Variants in RARB observed in about 807,000 individuals in gnomAD.
RARB encodes HBV-activated protein.
RARB carries 17 observed loss-of-function variants against 51.9 expected under a neutral mutation model. The observed-to-expected ratio is 0.33, with a 90% confidence interval of 0.22 to 0.49. RARB has a LOEUF of 0.49. RARB is among the 20% of genes least tolerant of loss of function. The pLI is 0.99. For synonymous variants in RARB, 215 were observed against 195.4 expected (o/e 1.10, Z -0.84); for missense variants, 369 against 550.8 (o/e 0.67, Z 3.30).
chr3:25,358,290 T>C (rs9853916), intron 5 of RARB, among the ~76,000 whole-genome samples: 71,606 of 152,048 alleles, frequency 0.47, 17,714 homozygotes, highest in East Asian at 0.87. Flanking sequence ...TTCTCTATTA[T>C]TGGTGTATAG....
At chr3:25,313,959 T>C (rs772894662) in intron 5 of RARB, among the ~76,000 whole-genome samples, 5 of 151,958 alleles carry the variant, frequency 3.3e-5, no homozygotes, top group Non-Finnish European at 7.4e-5. Context: ...TAGCCTCAGA[T>C]ACTTGGGCGG....
At chr3:25,156,982 A>T (rs2649617) in intron 4 of RARB, among the ~76,000 whole-genome samples, 4,905 of 152,334 alleles carry the variant, frequency 0.032, 120 homozygotes, top group Non-Finnish European at 0.05. Flanking sequence ...AACCTCAGTC[A>T]GCGGAAATAA....
chr3:25,560,092 C>T (rs1416295329), intron 3 of RARB, among the ~76,000 whole-genome samples: 1 of 152,100 alleles, frequency 6.6e-6, no homozygotes, highest in Non-Finnish European at 1.5e-5. Context: ...CATAGACTGC[C>T]AATTTTCTAA....
chr3:25,170,313 CAGA>C (rs932865887), intron 4 of RARB, among the ~76,000 whole-genome samples: 1 of 152,166 alleles, frequency 6.6e-6, no homozygotes, highest in African/African-American at 2.4e-5. Flanking sequence ...TGGCTCTTTA[CAGA>C]AGAAATTTGC....
At chr3:25,301,107 G>T (rs928654431) in intron 5 of RARB, among the ~76,000 whole-genome samples, 1 of 152,194 alleles carries the variant, frequency 6.6e-6, no homozygotes, top group African/African-American at 2.4e-5. Context: ...ATTTATGGCA[G>T]TTTGACTTAA....
At chr3:25,036,713 C>G (rs952526018) in intron 2 of RARB, among the ~76,000 whole-genome samples, 1 of 152,108 alleles carries the variant, frequency 6.6e-6, no homozygotes, top group Non-Finnish European at 1.5e-5. Flanking sequence ...GTTTGTAGGG[C>G]TGCTTCGGAG....
Position 25,510,983 on chromosome 3 carries a change from G to A in RARB, c.448+9660G>A, listed in dbSNP as rs192901248. Among the ~76,000 whole-genome samples the A allele has an allele frequency of 3.2e-4, 49 of 152,302 alleles. No individual in the cohort carries two copies. The East Asian group carries it at 8.7e-3, about 27-fold the overall frequency. On this transcript the variant is annotated intron_variant, in intron 3 of 7. Coordinates refer to ENST00000330688, the MANE Select transcript of RARB (RefSeq NM_000965.5). ...AAAAGGCCAGGCAGTAAATATTTTA[G>A]CATCTGCAGTCCATTTGGTGTTTTT...
chr3:24,953,674 C>A (rs1187551519), intron 2 of RARB, among the ~76,000 whole-genome samples: 2 of 152,158 alleles, frequency 1.3e-5, no homozygotes, highest in Non-Finnish European at 2.9e-5. Flanking sequence ...CAGAAGAGGC[C>A]TTTGTGCCTA....
At chr3:25,142,086 C>T (rs978913072) in intron 4 of RARB, among the ~76,000 whole-genome samples, 1 of 152,216 alleles carries the variant, frequency 6.6e-6, no homozygotes, top group African/African-American at 2.4e-5. Context: ...GATGCCAACA[C>T]TTTGGGAGGA....
At chr3:24,902,122 T>C (rs1011740479) in intron 2 of RARB, among the ~76,000 whole-genome samples, 1 of 152,186 alleles carries the variant, frequency 6.6e-6, no homozygotes, top group African/African-American at 2.4e-5. Flanking sequence ...ATGTTCTTAT[T>C]ATCTCTGTTT....
chr3:25,079,638 G>C (rs1698951502), intron 3 of RARB, among the ~76,000 whole-genome samples: 1 of 152,140 alleles, frequency 6.6e-6, no homozygotes, highest in Admixed American at 6.5e-5. Context: ...TATCCGCTTA[G>C]ATGATAGTTT....
At chr3:24,888,547 A>G (rs112665063) in intron 2 of RARB, among the ~76,000 whole-genome samples, 6 of 152,134 alleles carry the variant, frequency 3.9e-5, no homozygotes, top group Non-Finnish European at 8.8e-5. Flanking sequence ...TTGGGTTTAA[A>G]TGCTAGTAAT....
intron 4 of RARB, among the ~76,000 whole-genome samples, chr3:25,164,759 G>T (rs554549708): frequency 4.6e-5 from 7 of 152,280 alleles, no homozygotes; most frequent in African/African-American, 1.2e-4. Flanking sequence ...AAATAGAAAT[G>T]GGTACGCATA....
chr3:25,556,005 G>T (rs1201865048), intron 3 of RARB, among the ~76,000 whole-genome samples: 1 of 99,174 alleles, frequency 1.0e-5, no homozygotes, highest in Non-Finnish European at 2.0e-5. Context: ...TGGACATCTT[G>T]TATTTTTTTT....
intron 2 of RARB, among the ~76,000 whole-genome samples, chr3:24,913,378 A>G (rs1042518607): frequency 1.3e-5 from 2 of 149,010 alleles, no homozygotes; most frequent in African/African-American, 2.5e-5. Flanking sequence ...ATGAAGTGAC[A>G]TAGTCTTCTT....
intron 3 of RARB, among the ~76,000 whole-genome samples, chr3:25,515,256 C>T (rs1445415885): frequency 6.6e-6 from 1 of 152,190 alleles, no homozygotes; most frequent in African/African-American, 2.4e-5. Context: ...GAATGGCTGA[C>T]ACTAAAAGGA....
intron 3 of RARB, among the ~76,000 whole-genome samples, chr3:25,061,391 C>T (rs1281233185): frequency 6.6e-6 from 1 of 151,692 alleles, no homozygotes; most frequent in African/African-American, 2.4e-5. Context: ...TTTAATCTTC[C>T]AGTGTATCTA....
upstream of RARB, among the ~76,000 whole-genome samples, chr3:25,427,911 C>T (rs1018870406): frequency 2.0e-5 from 3 of 152,128 alleles, no homozygotes; most frequent in Non-Finnish European, 2.9e-5. Context: ...CGGGCGCAGG[C>T]GGAACACCGT....
chr3:25,417,723 G>C (rs1041579904), intron 5 of RARB, among the ~76,000 whole-genome samples: 2 of 152,174 alleles, frequency 1.3e-5, no homozygotes, highest in African/African-American at 4.8e-5. Context: ...GCCTGGGAAA[G>C]TACAAGAGAA....
Sources: gnomAD v4.1 joint callset for allele counts (sites outside exome capture counted in the v4.1 genomes callset) on GRCh38, gnomAD v4.1.1 for gene constraint, MANE v1.5 for transcripts, NCBI Gene and HGNC (gene_info 2026-07-23, HGNC 2026-07-21) for gene names.